CNTNAP2: variants seen among roughly 807,000 people sequenced by gnomAD.
CNTNAP2 encodes the protein contactin-associated protein-like 2.
A neutral mutation model predicts 155.2 loss-of-function variants in CNTNAP2; 98 were observed. That is an observed-to-expected ratio of 0.63 (90% CI 0.54 to 0.75). The LOEUF (loss-of-function observed/expected upper bound fraction) is 0.75, where lower values mean the gene tolerates loss of function less well. Ranked by LOEUF, CNTNAP2 falls within the 30% of genes least tolerant of loss-of-function variation. CNTNAP2 has a pLI of 0.00. For missense variants in CNTNAP2, 1,727 were observed against 1,688.1 expected, an observed-to-expected ratio of 1.02 and a Z score of -0.40; for synonymous variants, 651 against 631.2, an observed-to-expected ratio of 1.03 and a Z score of -0.47.
chr7:147,357,486 A>G (rs1425835856), intron 9 of CNTNAP2, among the ~76,000 whole-genome samples: 1 of 152,098 alleles, frequency 6.6e-6, no homozygotes, highest in African/African-American at 2.4e-5. Flanking sequence ...TTGATCCTAC[A>G]TGCAGCAGCA....
In CNTNAP2 at chr7:147,108,451, C is replaced by T. The variant is rs903953941; in HGVS notation, c.754+101C>T. 19 of 1,024,750 alleles carry T rather than the reference C, an allele frequency of 1.9e-5. No homozygotes were observed. The African/African-American group carries it at 2.9e-4, about 16-fold the overall frequency. 63.5% of individuals were successfully genotyped at this position (1,024,750 alleles called of 1,614,324 possible). A position where few individuals can be genotyped will look rare whatever the true frequency, so the allele number is the denominator to read the frequency against. On this transcript the variant is annotated intron_variant, in intron 5 of 23. Transcript: ENST00000361727. The stretch of plus-strand genomic sequence containing the variant: ...TTTAAAATGTAAATTATAAAAAGAG[C>T]TCATGTTATATTTCAATTCATACTT...
At chr7:147,803,435 G>A (rs1798039006) in intron 13 of CNTNAP2, among the ~76,000 whole-genome samples, 1 of 152,192 alleles carries the variant, frequency 6.6e-6, no homozygotes, top group South Asian at 2.1e-4. Flanking sequence ...TGGCACCGCA[G>A]GGAAAAGGTT....
At chr7:146,605,654 T>C (rs1799034175) in intron 1 of CNTNAP2, among the ~76,000 whole-genome samples, 1 of 152,190 alleles carries the variant, frequency 6.6e-6, no homozygotes, top group South Asian at 2.1e-4. Context: ...TTTCTGTTAG[T>C]ATTATTATTT....
chr7:147,835,856 A>C (rs544993923), intron 13 of CNTNAP2, among the ~76,000 whole-genome samples: 1 of 152,250 alleles, frequency 6.6e-6, no homozygotes, highest in South Asian at 2.1e-4. Flanking sequence ...AAGAGAGAGG[A>C]AGAGATTGAA....
At chr7:147,211,838 A>G (rs1803152384) in intron 8 of CNTNAP2, among the ~76,000 whole-genome samples, 1 of 152,142 alleles carries the variant, frequency 6.6e-6, no homozygotes, top group Non-Finnish European at 1.5e-5. Flanking sequence ...TGTGTACAGC[A>G]AAAGAAACTG....
rs558398884 is a variant in CNTNAP2 at position 147,591,467 on chromosome 7, C to T, written c.1897+29210C>T. Among the ~76,000 whole-genome samples the T allele has an allele frequency of 2.6e-5, 4 of 152,188 alleles. No individual in the cohort carries two copies. The South Asian group carries it at 6.2e-4, about 24-fold the overall frequency. On this transcript the variant is annotated intron_variant, in intron 12 of 23. Coordinates refer to ENST00000361727, the MANE Select transcript of CNTNAP2 (RefSeq NM_014141.6). ...CTTTAAAGGTCCTATCTCCAAATATCGTCAAATTCTAAAGCACTGGGGATT... is the reference window on the plus strand; with the variant it reads ...CTTTAAAGGTCCTATCTCCAAATATTGTCAAATTCTAAAGCACTGGGGATT...
At chr7:146,504,710 A>G (rs1480033409) in intron 1 of CNTNAP2, among the ~76,000 whole-genome samples, 1 of 152,170 alleles carries the variant, frequency 6.6e-6, no homozygotes, top group Non-Finnish European at 1.5e-5. Context: ...AGCACCTTCC[A>G]GTTATGTGGG....
intron 13 of CNTNAP2, among the ~76,000 whole-genome samples, chr7:147,892,530 G>A (rs1021393914): frequency 3.3e-5 from 5 of 152,128 alleles, no homozygotes; most frequent in Non-Finnish European, 4.4e-5. Flanking sequence ...TTAACTTAGA[G>A]TGAATTGGCC....
chr7:148,390,828 C>G (rs1308009082), intron 22 of CNTNAP2, among the ~76,000 whole-genome samples: 1 of 152,170 alleles, frequency 6.6e-6, no homozygotes, highest in Non-Finnish European at 1.5e-5. Context: ...CTCCAATGTC[C>G]TTTGGGCTCT....
intron 1 of CNTNAP2, among the ~76,000 whole-genome samples, chr7:146,144,309 G>T (rs1196734588): frequency 7.2e-5 from 11 of 152,066 alleles, no homozygotes; most frequent in Non-Finnish European, 2.9e-5. Context: ...GCACCAGCGT[G>T]CCTGGCTAAT....
intron 8 of CNTNAP2, among the ~76,000 whole-genome samples, chr7:147,290,828 C>T (rs535478110): frequency 6.6e-6 from 1 of 152,066 alleles, no homozygotes; most frequent in Non-Finnish European, 1.5e-5. Context: ...GCCTTAGGAC[C>T]ACTCTGTACA....
intron 15 of CNTNAP2, among the ~76,000 whole-genome samples, chr7:148,080,569 C>T (rs1803578226): frequency 7.0e-6 from 1 of 142,974 alleles, no homozygotes; most frequent in Admixed American, 7.2e-5. Flanking sequence ...TGCACCACTG[C>T]ACTCCAGCCT....
chr7:148,081,712 G>A (rs1173427646), intron 15 of CNTNAP2, among the ~76,000 whole-genome samples: 1 of 152,088 alleles, frequency 6.6e-6, no homozygotes. Context: ...GAGGATATCT[G>A]AACTAAGCCT....
chr7:148,386,389 G>T (rs745534379), intron 22 of CNTNAP2, among the ~76,000 whole-genome samples: 1 of 152,084 alleles, frequency 6.6e-6, no homozygotes, highest in African/African-American at 2.4e-5. Context: ...TTAGCTGGGC[G>T]TGGTGGCGCA....
chr7:147,539,208 A>G (rs1799598967), intron 11 of CNTNAP2, among the ~76,000 whole-genome samples: 1 of 152,148 alleles, frequency 6.6e-6, no homozygotes, highest in Admixed American at 6.5e-5. Flanking sequence ...TTTCATTTCC[A>G]GAGTAATGGT....
chr7:146,663,277 C>CAAAAAAAAAAA (rs543257224), intron 1 of CNTNAP2, among the ~76,000 whole-genome samples: 6 of 33,216 alleles, frequency 1.8e-4, no homozygotes, highest in African/African-American at 3.8e-4. Context: ...AACTCCATCT[C>CAAAAAAAAAAA]AAAAAAAAAA....
intron 1 of CNTNAP2, among the ~76,000 whole-genome samples, chr7:146,602,654 A>T: frequency 6.6e-6 from 1 of 152,342 alleles, no homozygotes; most frequent in African/African-American, 2.4e-5. Context: ...TTAAAATTAA[A>T]TTTTTTACTG....
At chr7:146,512,852 T>C (rs1389292375) in intron 1 of CNTNAP2, among the ~76,000 whole-genome samples, 1 of 152,016 alleles carries the variant, frequency 6.6e-6, no homozygotes, top group African/African-American at 2.4e-5. Context: ...ATTAATTTTC[T>C]GTCTGGATGA....
At chr7:147,775,311 A>G (rs1283302895) in intron 13 of CNTNAP2, among the ~76,000 whole-genome samples, 1 of 31,752 alleles carries the variant, frequency 3.1e-5, no homozygotes, top group East Asian at 5.6e-4. Context: ...ATATTTATAA[A>G]TATATATATA....
Sources: gnomAD v4.1 joint callset for allele counts (sites outside exome capture counted in the v4.1 genomes callset) on GRCh38, gnomAD v4.1.1 for gene constraint, MANE v1.5 for transcripts, NCBI Gene and HGNC (gene_info 2026-07-23, HGNC 2026-07-21) for gene names.